The following PRKAR2A variants were observed in gnomAD, a reference collection of about 807,000 sequenced individuals.
PRKAR2A encodes the protein protein kinase cAMP-dependent type II regulatory subunit alpha.
Under a neutral mutation model 51.9 loss-of-function variants are expected in PRKAR2A, and 29 were observed. That is an observed-to-expected ratio of 0.56 (90% CI 0.42 to 0.76). The LOEUF (loss-of-function observed/expected upper bound fraction) is 0.76, where lower values mean the gene tolerates loss of function less well. Among genes scored for constraint, PRKAR2A ranks in the 30% least tolerant of loss-of-function variants. The pLI, the probability that PRKAR2A is intolerant of heterozygous loss-of-function variation, is 0.00. For synonymous variants in PRKAR2A, 178 were observed against 186.2 expected (o/e 0.96, Z 0.36); for missense variants, 445 against 512.1 (o/e 0.87, Z 1.26).
intron 5 of PRKAR2A, among the ~76,000 whole-genome samples, chr3:48,773,530 A>C (rs2082061326): frequency 6.6e-6 from 1 of 151,372 alleles, no homozygotes; most frequent in Non-Finnish European, 1.5e-5. Flanking sequence ...ATTTTTAGAC[A>C]GGGTTTCACC....
chr3:48,833,575 T>C (rs2083230205), intron 1 of PRKAR2A, among the ~76,000 whole-genome samples: 1 of 147,812 alleles, frequency 6.8e-6, no homozygotes, highest in Non-Finnish European at 1.5e-5. Context: ...GGATGTGGTG[T>C]CAGGCACCTG....
chr3:48,797,058 A>C (rs775613489), intron 2 of PRKAR2A, among the ~76,000 whole-genome samples: 2 of 152,094 alleles, frequency 1.3e-5, no homozygotes, highest in African/African-American at 4.8e-5. Flanking sequence ...GGCAACAAAC[A>C]GTTCTTGACC....
At chr3:48,815,861 A>T (rs1256253702) in intron 1 of PRKAR2A, among the ~76,000 whole-genome samples, 1 of 150,556 alleles carries the variant, frequency 6.6e-6, no homozygotes, top group African/African-American at 2.4e-5. Flanking sequence ...TCTACTAAAA[A>T]TAAAAAAATT....
rs866168700 is a variant in PRKAR2A at position 48,817,185 on chromosome 3, G to A, written c.263-9501C>T. 3.3e-5 allele frequency among the ~76,000 whole-genome samples: 5 copies of A among 151,484 alleles called. No individual in the cohort carries two copies. The South Asian group carries it at 8.4e-4, about 25-fold the overall frequency. ...CTACTAAAAATACAAAAATTAGTTG[G>A]GCATGGTGGCACATGCCTGTAGTCC... On this transcript the variant is annotated intron_variant, in intron 1 of 10. Transcript: ENST00000265563.
chr3:48,827,868 T>C (rs2083095912), intron 1 of PRKAR2A, among the ~76,000 whole-genome samples: 1 of 152,172 alleles, frequency 6.6e-6, no homozygotes, highest in Non-Finnish European at 1.5e-5. Context: ...ACCTTAATTT[T>C]TTTTTGTTTT....
chr3:48,818,845 T>G (rs2082913822), intron 1 of PRKAR2A, among the ~76,000 whole-genome samples: 1 of 152,214 alleles, frequency 6.6e-6, no homozygotes, highest in South Asian at 2.1e-4. Context: ...GCAGACTTAA[T>G]GACCCTATGT....
chr3:48,800,712 G>A (rs907169494), intron 2 of PRKAR2A, among the ~76,000 whole-genome samples: 2 of 151,452 alleles, frequency 1.3e-5, no homozygotes, highest in African/African-American at 2.4e-5. Context: ...GCTCTGTCGC[G>A]CAGGCTGGAG....
Position 48,748,012 on chromosome 3 carries a change from C to T in PRKAR2A, c.*3573G>A, listed in dbSNP as rs751620898. 4 of 152,168 alleles carry T rather than the reference C, an allele frequency of 2.6e-5. No individual in the cohort carries two copies. Among genetic ancestry groups the T allele is most frequent in the Non-Finnish European group, 4.4e-5 (3 of 68,042 alleles). 9.4% of individuals were successfully genotyped at this position (152,168 alleles called of 1,614,324 possible). A position where few individuals can be genotyped will look rare whatever the true frequency, so the allele number is the denominator to read the frequency against. ...GGCTATATCCTATTTCACTCACACA[C>T]GTCCTTTTAAAGTCTCCCTTCCTCA... On this transcript the variant is annotated 3_prime_UTR_variant, in exon 11 of 11. Transcript: ENST00000265563.
intron 4 of PRKAR2A, among the ~76,000 whole-genome samples, chr3:48,783,633 T>C (rs973575609): frequency 1.3e-5 from 2 of 152,070 alleles, no homozygotes; most frequent in Admixed American, 6.6e-5. Flanking sequence ...CAGGCTGGAG[T>C]GCAGTGGTGT....
intron 5 of PRKAR2A, among the ~76,000 whole-genome samples, chr3:48,773,998 CTAA>C: frequency 6.6e-6 from 1 of 151,788 alleles, no homozygotes; most frequent in South Asian, 2.1e-4. Flanking sequence ...CCACACCTGG[CTAA>C]TATTTTATTT....
intron 4 of PRKAR2A, among the ~76,000 whole-genome samples, chr3:48,783,383 C>A (rs908272468): frequency 1.1e-4 from 17 of 152,108 alleles, no homozygotes; most frequent in Non-Finnish European, 4.4e-5. Flanking sequence ...CCAGCCACAC[C>A]CACATGACTG....
intron 1 of PRKAR2A, among the ~76,000 whole-genome samples, chr3:48,832,962 G>A (rs955806495): frequency 6.6e-6 from 1 of 152,086 alleles, no homozygotes; most frequent in Admixed American, 6.6e-5. Flanking sequence ...ATCTGACCTT[G>A]CCCACATATT....
intron 4 of PRKAR2A, among the ~76,000 whole-genome samples, chr3:48,789,815 C>T (rs2082354979): frequency 6.6e-6 from 1 of 151,958 alleles, no homozygotes; most frequent in Non-Finnish European, 1.5e-5. Context: ...CCTCAGCATA[C>T]AATTTCTTTC....
In PRKAR2A at chr3:48,751,750, T is replaced by G. The variant is rs1164816902; in HGVS notation, c.1082-32A>C. 8 of 1,588,864 alleles carry G rather than the reference T, an allele frequency of 5.0e-6. No individual in the cohort carries two copies. In the African/African-American group the frequency reaches 1.1e-4, roughly 21 times the overall value. On this transcript the variant is annotated intron_variant, in intron 10 of 10. Coordinates refer to ENST00000265563, the MANE Select transcript of PRKAR2A (RefSeq NM_004157.4). The stretch of plus-strand genomic sequence containing the variant: ...TGTTAAAAAGAGGTGAGGGAGAGAA[T>G]GAATTCAAGCCATTTCCCTCATGCA...
At chr3:48,785,299 C>T (rs1272710046) in intron 4 of PRKAR2A, among the ~76,000 whole-genome samples, 80 of 145,804 alleles carry the variant, frequency 5.5e-4, no homozygotes, top group African/African-American at 1.9e-3. Context: ...CTCGCTCTGT[C>T]GGCCAGGCCG....
intron 1 of PRKAR2A, among the ~76,000 whole-genome samples, chr3:48,819,004 A>T (rs1419601312): frequency 3.3e-5 from 5 of 151,450 alleles, no homozygotes; most frequent in Admixed American, 1.3e-4. Context: ...CCCTGTTCAA[A>T]CACTTTTTTT....
chr3:48,822,346 T>C (rs1245261672), intron 1 of PRKAR2A, among the ~76,000 whole-genome samples: 1 of 152,136 alleles, frequency 6.6e-6, no homozygotes, highest in Non-Finnish European at 1.5e-5. Context: ...AATGTGTCCC[T>C]GGCCTGTAGA....
intron 2 of PRKAR2A, 136 bp downstream of exon 2, chr3:48,807,509 TAAAG>T (rs1205072960): frequency 1.5e-6 from 1 of 665,080 alleles, no homozygotes; most frequent in Non-Finnish European, 2.6e-6. Context: ...AAAAACAGAA[TAAAG>T]AAACCATAGG....
At chr3:48,845,530 T>C (rs1345753272) in intron 1 of PRKAR2A, among the ~76,000 whole-genome samples, 7 of 152,242 alleles carry the variant, frequency 4.6e-5, no homozygotes, top group Admixed American at 4.6e-4. Context: ...GGTTTCATTG[T>C]TTTGTTAAAT....
Sources: gnomAD v4.1 joint callset for allele counts (sites outside exome capture counted in the v4.1 genomes callset) on GRCh38, gnomAD v4.1.1 for gene constraint, MANE v1.5 for transcripts, NCBI Gene and HGNC (gene_info 2026-07-23, HGNC 2026-07-21) for gene names.